Variants in DPYD observed in about 807,000 individuals in gnomAD.
The protein encoded by DPYD is dihydropyrimidine dehydrogenase [NADP(+)].
A neutral mutation model predicts 116.2 loss-of-function variants in DPYD; 109 were observed. The observed-to-expected ratio is 0.94, with a 90% CI of 0.80 to 1.10. The LOEUF is 1.10. Among genes scored for constraint, DPYD ranks in the 50% least tolerant of loss-of-function variants. The pLI is 0.00. For missense variants in DPYD, 1,302 were observed against 1,254.5 expected, an observed-to-expected ratio of 1.04 and a Z score of -0.57; for synonymous variants, 440 against 432.0, an observed-to-expected ratio of 1.02 and a Z score of -0.23.
intron 1 of DPYD, among the ~76,000 whole-genome samples, chr1:97,888,626 GC>G (rs1672622130): frequency 6.7e-6 from 1 of 149,108 alleles, no homozygotes; most frequent in Admixed American, 6.6e-5. Context: ...CTTGAATGTA[GC>G]AAAAAAAAAA....
At position 97,335,587 on chromosome 1, in the gene DPYD, T is replaced by C. The variant is rs542640676; in HGVS notation, c.2059-29290A>G. On this transcript the variant is annotated intron_variant, in intron 16 of 22. Transcript: ENST00000370192. ...TTCCTTAAAACAACTGAATACATAA[T>C]CATCAGGCATTATTTGTAAAGATGT... 2.0e-5 allele frequency among the ~76,000 whole-genome samples: 3 copies of C among 152,206 alleles called. No individual in the cohort carries two copies. The East Asian group carries it at 5.8e-4, about 29-fold the overall frequency.
At chr1:97,122,763 A>G (rs1398167010) in intron 20 of DPYD, among the ~76,000 whole-genome samples, 1 of 152,018 alleles carries the variant, frequency 6.6e-6, no homozygotes, top group Non-Finnish European at 1.5e-5. Flanking sequence ...CACTTACTCT[A>G]TCCCTTCAGT....
intron 12 of DPYD, among the ~76,000 whole-genome samples, chr1:97,528,783 C>T (rs1260233808): frequency 2.0e-5 from 3 of 152,110 alleles, no homozygotes; most frequent in African/African-American, 7.2e-5. Context: ...TTATCTCTTA[C>T]TGAGACTTTT....
At chr1:97,707,263 T>G (rs1662019415) in intron 5 of DPYD, among the ~76,000 whole-genome samples, 1 of 152,032 alleles carries the variant, frequency 6.6e-6, no homozygotes, top group African/African-American at 2.4e-5. Flanking sequence ...TAAAAAGCCT[T>G]TACCTATGAC....
chr1:97,591,264 A>T (rs1378279773), intron 10 of DPYD, among the ~76,000 whole-genome samples: 1 of 151,612 alleles, frequency 6.6e-6, no homozygotes, highest in African/African-American at 2.4e-5. Context: ...CACTCATTAT[A>T]CTCCTATATT....
At chr1:97,569,226 T>G (rs967649619) in intron 11 of DPYD, among the ~76,000 whole-genome samples, 3 of 151,744 alleles carry the variant, frequency 2.0e-5, no homozygotes, top group Non-Finnish European at 2.9e-5. Flanking sequence ...ACTTAACAAC[T>G]GCCAGTTTGG....
In DPYD at chr1:97,854,136, G is replaced by A. The variant is rs143598178; in HGVS notation, c.151-25940C>T. Among the ~76,000 whole-genome samples, 366 of 152,174 alleles carry A rather than the reference G, an allele frequency of 2.4e-3. 6 individuals are homozygous for A. The highest frequency in any genetic ancestry group is 8.4e-3 in the African/African-American group (350 of 41,522). ...AAGAAAACATTCATATTATTTAATT[G>A]TTTGCCTTTTTTTCTTGATTTTTCA... On this transcript the variant is annotated intron_variant, in intron 2 of 22. Coordinates refer to ENST00000370192, the MANE Select transcript of DPYD (RefSeq NM_000110.4).
intron 20 of DPYD, among the ~76,000 whole-genome samples, chr1:97,125,728 A>T (rs1652783517): frequency 6.6e-6 from 1 of 151,820 alleles, no homozygotes; most frequent in Non-Finnish European, 1.5e-5. Flanking sequence ...TCTTAGAAAG[A>T]CCCCTTCCTC....
chr1:97,567,563 G>A (rs1217137059), intron 11 of DPYD, among the ~76,000 whole-genome samples: 2 of 152,074 alleles, frequency 1.3e-5, no homozygotes. Flanking sequence ...CAGTCACCTT[G>A]TCTCCGCTCT....
At chr1:97,609,035 T>G (rs1199238908) in intron 8 of DPYD, among the ~76,000 whole-genome samples, 1 of 151,986 alleles carries the variant, frequency 6.6e-6, no homozygotes, top group African/African-American at 2.4e-5. Context: ...ATCTCACATT[T>G]TTAAAGTCAA....
intron 2 of DPYD, among the ~76,000 whole-genome samples, chr1:97,878,981 A>G (rs1672049832): frequency 6.6e-6 from 1 of 151,946 alleles, no homozygotes; most frequent in African/African-American, 2.4e-5. Context: ...TTATTTAGTT[A>G]TTTTCATTGT....
At chr1:97,093,479 T>G (rs1650028670) in intron 21 of DPYD, among the ~76,000 whole-genome samples, 1 of 152,240 alleles carries the variant, frequency 6.6e-6, no homozygotes, top group East Asian at 1.9e-4. Flanking sequence ...ATATTATAGC[T>G]AATAGTAACA....
intron 13 of DPYD, among the ~76,000 whole-genome samples, chr1:97,511,644 A>G (rs1647809309): frequency 6.6e-6 from 1 of 151,946 alleles, no homozygotes; most frequent in African/African-American, 2.4e-5. Context: ...GGGGTCAATA[A>G]AAGGAACATA....
chr1:97,141,304 C>T (rs1654204243), intron 20 of DPYD, among the ~76,000 whole-genome samples: 2 of 152,078 alleles, frequency 1.3e-5, no homozygotes, highest in African/African-American at 4.8e-5. Context: ...AGAGCATGAG[C>T]ATGGCCACTA....
chr1:97,242,168 A>ATATATC (rs1662416536), intron 18 of DPYD, among the ~76,000 whole-genome samples: 1 of 113,636 alleles, frequency 8.8e-6, no homozygotes, highest in South Asian at 2.8e-4. Flanking sequence ...ATATATATAT[A>ATATATC]TATCTTCTAA....
At chr1:97,823,394 T>C (rs1286303883) in intron 3 of DPYD, among the ~76,000 whole-genome samples, 1 of 152,048 alleles carries the variant, frequency 6.6e-6, no homozygotes, top group East Asian at 1.9e-4. Context: ...GTGACAACAC[T>C]CCAAATTTTC....
At chr1:97,564,531 GTC>G (rs1376899779) in intron 11 of DPYD, among the ~76,000 whole-genome samples, 2 of 152,138 alleles carry the variant, frequency 1.3e-5, no homozygotes, top group Non-Finnish European at 2.9e-5. Context: ...AATTCCCAAT[GTC>G]TGTTTTCAGT....
chr1:97,823,785 G>C (rs1669088069), intron 3 of DPYD, among the ~76,000 whole-genome samples: 1 of 148,042 alleles, frequency 6.8e-6, no homozygotes, highest in African/African-American at 2.5e-5. Flanking sequence ...ACTGGACTTT[G>C]ACTGTTTCAT....
At chr1:97,095,508 G>A (rs1650175767) in intron 21 of DPYD, among the ~76,000 whole-genome samples, 1 of 151,832 alleles carries the variant, frequency 6.6e-6, no homozygotes, top group South Asian at 2.1e-4. Context: ...CAACTAGATG[G>A]GGTAAATACT....
Sources: allele counts gnomAD v4.1 joint callset (sites outside exome capture counted in the v4.1 genomes callset), GRCh38; gene constraint gnomAD v4.1.1; transcripts MANE v1.5; gene names NCBI Gene and HGNC (gene_info 2026-07-23, HGNC 2026-07-21).